ARHGAP15: variants seen among roughly 807,000 people sequenced by gnomAD.
ARHGAP15 encodes the protein rho GTPase-activating protein 15.
Under a neutral mutation model 63.7 loss-of-function variants are expected in ARHGAP15, and 51 were observed. That is an observed-to-expected ratio of 0.80 (90% CI 0.64 to 1.01). ARHGAP15 has a LOEUF of 1.01. Ranked by LOEUF, ARHGAP15 falls within the 50% of genes least tolerant of loss-of-function variation. The pLI, the probability that ARHGAP15 is intolerant of heterozygous loss-of-function variation, is 0.00. For missense variants in ARHGAP15, 560 were observed against 564.6 expected, an observed-to-expected ratio of 0.99 and a Z score of 0.08; for synonymous variants, 191 against 193.8, an observed-to-expected ratio of 0.99 and a Z score of 0.12.
intron 6 of ARHGAP15, among the ~76,000 whole-genome samples, chr2:143,278,819 C>G (rs1004355818): frequency 1.3e-5 from 2 of 151,224 alleles, no homozygotes; most frequent in Non-Finnish European, 2.9e-5. Context: ...TTTTGAGATA[C>G]AGATATTTTG....
intron 3 of ARHGAP15, among the ~76,000 whole-genome samples, chr2:143,210,373 G>T (rs1416713487): frequency 6.6e-6 from 1 of 151,930 alleles, no homozygotes; most frequent in Admixed American, 6.6e-5. Context: ...GAAAGGTTCA[G>T]AAAAAAAGTC....
chr2:143,130,508 T>C (rs982303220), intron 1 of ARHGAP15, among the ~76,000 whole-genome samples: 1 of 152,146 alleles, frequency 6.6e-6, no homozygotes, highest in African/African-American at 2.4e-5. Flanking sequence ...TTTTGTGTTA[T>C]TAAAAAATGG....
At chr2:143,316,067 CAA>C (rs1368993350) in intron 6 of ARHGAP15, among the ~76,000 whole-genome samples, 3 of 151,864 alleles carry the variant, frequency 2.0e-5, no homozygotes, top group African/African-American at 7.3e-5. Context: ...TCCTGGGAGA[CAA>C]GAGCGAAACT....
chr2:143,490,568 A>T (rs1257257253), intron 9 of ARHGAP15, among the ~76,000 whole-genome samples: 1 of 152,158 alleles, frequency 6.6e-6, no homozygotes, highest in Non-Finnish European at 1.5e-5. Context: ...GCTAGAACCT[A>T]GACTTGGAAA....
chr2:143,694,598 CAT>C (rs1683762324), intron 12 of ARHGAP15, among the ~76,000 whole-genome samples: 1 of 152,196 alleles, frequency 6.6e-6, no homozygotes, highest in Non-Finnish European at 1.5e-5. Context: ...AAAGTTGCCA[CAT>C]GTTGCCTGTT....
At chr2:143,351,850 A>G (rs1164010462) in intron 6 of ARHGAP15, among the ~76,000 whole-genome samples, 1 of 152,180 alleles carries the variant, frequency 6.6e-6, no homozygotes, top group Non-Finnish European at 1.5e-5. Flanking sequence ...TCTCTCTTTG[A>G]TAAAAGAGAA....
In ARHGAP15 at chr2:143,286,409, T is replaced by C. The variant is rs566953804; in HGVS notation, c.474+35809T>C. ...ATAAAATACATGAGAACAAGGTAAATGGAACAATTCTAAGTTTTTTAGTTT... is the reference window on the plus strand; with the variant it reads ...ATAAAATACATGAGAACAAGGTAAACGGAACAATTCTAAGTTTTTTAGTTT... On this transcript the variant is annotated intron_variant, in intron 6 of 13. Coordinates refer to ENST00000295095, the MANE Select transcript of ARHGAP15 (RefSeq NM_018460.4). 9.8e-5 allele frequency among the ~76,000 whole-genome samples: 15 copies of C among 152,342 alleles called. 1 individual carries two copies. The South Asian group carries it at 1.9e-3, about 19-fold the overall frequency.
chr2:143,260,326 G>A (rs1452921585), intron 6 of ARHGAP15, among the ~76,000 whole-genome samples: 4 of 152,164 alleles, frequency 2.6e-5, no homozygotes, highest in South Asian at 4.1e-4. Context: ...ATTTTAGTAC[G>A]GTTTTAAGTT....
Position 143,427,142 on chromosome 2 carries a change from T to C in ARHGAP15, c.475-8459T>C, listed in dbSNP as rs115065862. Among the ~76,000 whole-genome samples, 833 of 152,272 alleles carry C rather than the reference T, an allele frequency of 5.5e-3. 8 individuals carry two copies. The highest frequency in any genetic ancestry group is 0.019 in the African/African-American group (800 of 41,548). ...AGACATGGAACAATTCTTGAATGTT[T>C]TATAAACACTCATAATCATGGCCAA... On this transcript the variant is annotated intron_variant, in intron 6 of 13. Coordinates refer to ENST00000295095, the MANE Select transcript of ARHGAP15 (RefSeq NM_018460.4).
In ARHGAP15 at chr2:143,281,701, C is replaced by T. The variant is rs529927527; in HGVS notation, c.474+31101C>T. On this transcript the variant is annotated intron_variant, in intron 6 of 13. Transcript: ENST00000295095. The stretch of plus-strand genomic sequence containing the variant: ...GGTAATACAATGGCCAGTCATTACC[C>T]TCACACTTTATTAAAATGTACATGT... Among the ~76,000 whole-genome samples the T allele has an allele frequency of 1.1e-4, 16 of 152,274 alleles. No homozygotes were observed. In the South Asian group the frequency reaches 3.3e-3, roughly 32 times the overall value.
intron 3 of ARHGAP15, among the ~76,000 whole-genome samples, chr2:143,207,234 A>G (rs1317428328): frequency 6.6e-6 from 1 of 151,990 alleles, no homozygotes; most frequent in Non-Finnish European, 1.5e-5. Flanking sequence ...TCAGTTCTAA[A>G]TAAATGAAAC....
intron 11 of ARHGAP15, among the ~76,000 whole-genome samples, chr2:143,597,092 A>T (rs1323997658): frequency 6.6e-6 from 1 of 151,782 alleles, no homozygotes; most frequent in Non-Finnish European, 1.5e-5. Flanking sequence ...TCCTCTTCCT[A>T]CCCCTCCCTC....
chr2:143,138,418 G>A (rs895118942), intron 1 of ARHGAP15, among the ~76,000 whole-genome samples: 1 of 152,068 alleles, frequency 6.6e-6, no homozygotes, highest in African/African-American at 2.4e-5. Context: ...TAGCAGTTAA[G>A]CAATGCTGAA....
At chr2:143,132,942 C>T (rs1447922895) in intron 1 of ARHGAP15, among the ~76,000 whole-genome samples, 1 of 152,168 alleles carries the variant, frequency 6.6e-6, no homozygotes, top group Non-Finnish European at 1.5e-5. Context: ...CATTTGCCTT[C>T]TAAAAGCTTA....
intron 6 of ARHGAP15, among the ~76,000 whole-genome samples, chr2:143,401,471 A>G (rs745917753): frequency 6.6e-6 from 1 of 152,026 alleles, no homozygotes; most frequent in Non-Finnish European, 1.5e-5. Flanking sequence ...ACAGTAACTG[A>G]GAACTTATGT....
chr2:143,231,954 C>G (rs1693460954), intron 5 of ARHGAP15, among the ~76,000 whole-genome samples: 1 of 152,198 alleles, frequency 6.6e-6, no homozygotes, highest in South Asian at 2.1e-4. Context: ...AATTACCTCC[C>G]AAAGGCCCTA....
intron 9 of ARHGAP15, among the ~76,000 whole-genome samples, chr2:143,508,935 G>A (rs7561228): frequency 6.6e-6 from 1 of 151,976 alleles, no homozygotes; most frequent in Non-Finnish European, 1.5e-5. Context: ...AACTGAAGAC[G>A]GCCAGAAGCC....
chr2:143,304,460 G>A (rs1362804000), intron 6 of ARHGAP15, among the ~76,000 whole-genome samples: 1 of 152,022 alleles, frequency 6.6e-6, no homozygotes. Flanking sequence ...GTTGTGGGGT[G>A]GGGGAAGAGG....
At chr2:143,604,077 C>T (rs539790450) in intron 11 of ARHGAP15, among the ~76,000 whole-genome samples, 1 of 152,254 alleles carries the variant, frequency 6.6e-6, no homozygotes. Flanking sequence ...AATAATCTCT[C>T]AAAGTAGTGG....
Sources: allele counts gnomAD v4.1 joint callset (sites outside exome capture counted in the v4.1 genomes callset), GRCh38; gene constraint gnomAD v4.1.1; transcripts MANE v1.5; gene names NCBI Gene and HGNC (gene_info 2026-07-23, HGNC 2026-07-21).